Variants in DLGAP1 observed in about 807,000 individuals in gnomAD.
DLGAP1 encodes the protein DLG associated protein 1.
Under a neutral mutation model 90.8 loss-of-function variants are expected in DLGAP1, and 11 were observed. The ratio of observed to expected loss-of-function variants is 0.12; its 90% CI spans 0.08 to 0.20. The LOEUF is 0.20. DLGAP1 is among the 10% of genes least tolerant of loss of function. The pLI is 1.00. For synonymous variants in DLGAP1, 558 were observed against 540.7 expected (o/e 1.03, Z -0.44); for missense variants, 1,050 against 1,333.8 (o/e 0.79, Z 3.31).
chr18:3,741,156 C>CCACCACCACATCACCAT (rs1568048952), intron 6 of DLGAP1, among the ~76,000 whole-genome samples: 35 of 112,452 alleles, frequency 3.1e-4, no homozygotes, highest in African/African-American at 1.2e-3. Context: ...ACCATCACCA[C>CCACCACCACATCACCAT]CACCATCACC....
intron 2 of DLGAP1, among the ~76,000 whole-genome samples, chr18:4,088,056 T>C (rs2075712861): frequency 6.6e-6 from 1 of 150,874 alleles, no homozygotes; most frequent in Non-Finnish European, 1.5e-5. Flanking sequence ...CCTCAACTAT[T>C]GATCTCTTGT....
chr18:4,344,056 T>C (rs1334943131), intron 1 of DLGAP1, among the ~76,000 whole-genome samples: 1 of 152,244 alleles, frequency 6.6e-6, no homozygotes, highest in Non-Finnish European at 1.5e-5. Context: ...ATGAATATTT[T>C]ATTTAAAATT....
chr18:4,151,405 G>A (rs1455854119), intron 1 of DLGAP1, 118 bp from the exon 2 acceptor site: 3 of 152,138 alleles, frequency 2.0e-5, no homozygotes, highest in Non-Finnish European at 2.9e-5. Flanking sequence ...GTTAAGAAGA[G>A]AGTTTCATAG....
At chr18:3,993,043 C>T (rs545470268) in intron 3 of DLGAP1, 6 of 151,188 alleles carry the variant, frequency 4.0e-5, no homozygotes, top group South Asian at 2.1e-4. Flanking sequence ...AAATAGCCTC[C>T]CCCTGGCAGA....
At chr18:3,799,760 T>C (rs2066199460) in intron 5 of DLGAP1, among the ~76,000 whole-genome samples, 1 of 152,080 alleles carries the variant, frequency 6.6e-6, no homozygotes, top group Non-Finnish European at 1.5e-5. Flanking sequence ...ATTTACCTAA[T>C]TCAAAACAAA....
At chr18:3,697,173 G>T (rs573765245) in intron 7 of DLGAP1, among the ~76,000 whole-genome samples, 1 of 151,942 alleles carries the variant, frequency 6.6e-6, no homozygotes, top group South Asian at 2.1e-4. Flanking sequence ...TTTTTGAAGG[G>T]TTTTTTGTGT....
At chr18:4,076,476 G>A (rs1449148780) in intron 2 of DLGAP1, among the ~76,000 whole-genome samples, 1 of 152,118 alleles carries the variant, frequency 6.6e-6, no homozygotes, top group Non-Finnish European at 1.5e-5. Flanking sequence ...TAAAGGGTTT[G>A]CATCCTATAT....
In DLGAP1 at chr18:3,502,328, T is replaced by C. The variant is rs1286198794; in HGVS notation, c.2724+165A>G. Reference sequence around the variant, plus strand: ...TATGCCTGAAACATATTACAGATAATATCCCAAATGATTACTATGTAAACA... The same window carrying C: ...TATGCCTGAAACATATTACAGATAACATCCCAAATGATTACTATGTAAACA... On this transcript the variant is annotated intron_variant, in intron 12 of 12. Transcript: ENST00000315677. The C allele has an allele frequency of 4.3e-6, 6 of 1,392,276 alleles. 1 individual carries two copies. In the Admixed American group the frequency reaches 1.0e-4, roughly 24 times the overall value. 86.2% of individuals were successfully genotyped at this position (1,392,276 alleles called of 1,614,324 possible).
chr18:3,874,461 C>T (rs754102487), intron 4 of DLGAP1: 185 of 1,434,116 alleles, frequency 1.3e-4, no homozygotes, highest in Admixed American at 8.2e-4. Flanking sequence ...CTTTATATGT[C>T]AGTCACTCAA....
intron 2 of DLGAP1, among the ~76,000 whole-genome samples, chr18:4,029,210 A>G (rs1421975411): frequency 6.6e-6 from 1 of 152,322 alleles, no homozygotes; most frequent in African/African-American, 2.4e-5. Flanking sequence ...GCTGAATGGT[A>G]TTCCCTATGT....
chr18:3,870,632 C>CTATG (rs897025655), intron 4 of DLGAP1, among the ~76,000 whole-genome samples: 2 of 151,940 alleles, frequency 1.3e-5, no homozygotes, highest in Non-Finnish European at 2.9e-5. Context: ...ATCTATCTAT[C>CTATG]TATCTATCTA....
chr18:4,309,083 C>A (rs897175127), intron 1 of DLGAP1, among the ~76,000 whole-genome samples: 1 of 152,124 alleles, frequency 6.6e-6, no homozygotes, highest in Non-Finnish European at 1.5e-5. Context: ...CTACAGTTAT[C>A]GGGTAAGATG....
At chr18:3,887,991 C>A (rs2071362050) in intron 3 of DLGAP1, among the ~76,000 whole-genome samples, 1 of 151,156 alleles carries the variant, frequency 6.6e-6, no homozygotes, top group African/African-American at 2.4e-5. Flanking sequence ...GCCTGTAGTC[C>A]CAGCTACTTG....
chr18:4,147,309 T>C (rs1469055543), intron 2 of DLGAP1, among the ~76,000 whole-genome samples: 1 of 152,138 alleles, frequency 6.6e-6, no homozygotes. Flanking sequence ...CTCAATCAAG[T>C]AGCAAAAAGT....
intron 1 of DLGAP1, among the ~76,000 whole-genome samples, chr18:4,249,990 C>T (rs2078747644): frequency 6.6e-6 from 1 of 152,212 alleles, no homozygotes; most frequent in South Asian, 2.1e-4. Flanking sequence ...AAGCTCATAT[C>T]CTTCAGCCAT....
chr18:3,883,890 C>T (rs549289596), intron 3 of DLGAP1, among the ~76,000 whole-genome samples: 24 of 152,334 alleles, frequency 1.6e-4, no homozygotes, highest in African/African-American at 5.1e-4. Flanking sequence ...TACCTTCTGC[C>T]GTTCTACCTG....
In DLGAP1 at chr18:3,577,944, A is replaced by G. The variant is rs146873963; in HGVS notation, c.1965+3931T>C. On this transcript the variant is annotated intron_variant, in intron 8 of 12. Transcript: ENST00000315677. ...CATATTTAGTTCAGCATATTTAGCT[A>G]ATTATAATTTTAAAGGACAATATTA... is the stretch of plus-strand genomic sequence containing the variant. Among the ~76,000 whole-genome samples the G allele has an allele frequency of 4.1e-3, 629 of 152,356 alleles. 4 individuals carry two copies. The highest frequency in any genetic ancestry group is 7.8e-3 in the Admixed American group (120 of 15,298).
At chr18:3,791,798 C>T (rs563176879) in intron 5 of DLGAP1, among the ~76,000 whole-genome samples, 10 of 152,228 alleles carry the variant, frequency 6.6e-5, no homozygotes, top group East Asian at 5.8e-4. Flanking sequence ...TGTGGTCTCA[C>T]CTACTCGGGA....
intron 3 of DLGAP1, among the ~76,000 whole-genome samples, chr18:3,892,555 G>A (rs543156922): frequency 2.6e-5 from 4 of 152,290 alleles, no homozygotes; most frequent in South Asian, 4.1e-4. Context: ...GAATCATGGA[G>A]ATGATAGGCT....
Sources: gnomAD v4.1 joint callset for allele counts (sites outside exome capture counted in the v4.1 genomes callset) on GRCh38, gnomAD v4.1.1 for gene constraint, MANE v1.5 for transcripts, NCBI Gene and HGNC (gene_info 2026-07-23, HGNC 2026-07-21) for gene names.